The following DACH2 variants were observed in gnomAD, a reference collection of about 807,000 sequenced individuals.
DACH2 encodes dachshund homolog 2.
Under a neutral mutation model 35.8 loss-of-function variants are expected in DACH2, and 17 were observed. The ratio of observed to expected loss-of-function variants is 0.48; its 90% CI spans 0.33 to 0.71. The LOEUF is 0.71. Ranked by LOEUF, DACH2 falls within the 30% of genes least tolerant of loss-of-function variation. The pLI is 0.02. For synonymous variants in DACH2, 195 were observed against 177.3 expected (o/e 1.10, Z -0.79); for missense variants, 469 against 472.7 (o/e 0.99, Z 0.07).
In DACH2 at chrX:86,236,875, T is replaced by C. The variant is rs115146961; in HGVS notation, c.488+87767T>C. ...AATTTTACTTTAAAGAGTTTATTTC[T>C]TGAATAATAAATTAACCTTAGCTTA... On this transcript the variant is annotated intron_variant, in intron 1 of 11. Coordinates refer to ENST00000373125, the MANE Select transcript of DACH2 (RefSeq NM_053281.3). Among the ~76,000 whole-genome samples the C allele has an allele frequency of 7.6e-3, 852 of 112,452 alleles. 7 individuals carry two copies. The highest frequency in any genetic ancestry group is 0.025 in the African/African-American group (770 of 30,989).
At chrX:86,737,933 G>T (rs188400936) in intron 6 of DACH2, among the ~76,000 whole-genome samples, 142 of 110,679 alleles carry the variant, frequency 1.3e-3, no homozygotes, top group African/African-American at 4.5e-3. Flanking sequence ...CTCTAGAAGT[G>T]CCCAATGTTT....
At chrX:86,207,764 T>G (rs890959472) in intron 1 of DACH2, among the ~76,000 whole-genome samples, 1 of 110,952 alleles carries the variant, frequency 9.0e-6, no homozygotes, top group Non-Finnish European at 1.9e-5. Context: ...GTGTTGGCGC[T>G]AAAGTTTTGA....
chrX:86,391,529 C>G (rs1328824134), intron 2 of DACH2, among the ~76,000 whole-genome samples: 1 of 110,311 alleles, frequency 9.1e-6, no homozygotes, highest in African/African-American at 3.3e-5. Context: ...AAGTTAACCT[C>G]GTCTTTCTAC....
At position 86,829,506 on chromosome X, in the gene DACH2, A is replaced by G. The variant is rs192904903; in HGVS notation, c.1751-2600A>G. On this transcript the variant is annotated intron_variant, in intron 11 of 11. Coordinates refer to ENST00000373125, the MANE Select transcript of DACH2 (RefSeq NM_053281.3). ...GTATTTTTTTCTGGCCTTTTCCCAT[A>G]TATCTGCCTTGTTTATGATACATGA... The G allele has an allele frequency of 4.5e-5, 5 of 112,083 alleles. No homozygotes were observed. The Admixed American group carries it at 4.7e-4, about 11-fold the overall frequency. 9.2% of individuals were successfully genotyped at this position (112,083 alleles called of 1,213,427 possible).
intron 1 of DACH2, among the ~76,000 whole-genome samples, chrX:86,153,929 A>C (rs2030455455): frequency 9.0e-6 from 1 of 111,696 alleles, no homozygotes; most frequent in African/African-American, 3.2e-5. Flanking sequence ...GATGCAGTAT[A>C]TCTTTGGATT....
intron 1 of DACH2, among the ~76,000 whole-genome samples, chrX:86,251,664 T>C (rs1348846624): frequency 2.7e-5 from 3 of 111,977 alleles, no homozygotes; most frequent in African/African-American, 9.7e-5. Context: ...GCAAATGCCA[T>C]TAATTTGTTA....
At chrX:86,656,993 G>A (rs1159412238) in intron 4 of DACH2, among the ~76,000 whole-genome samples, 1 of 104,922 alleles carries the variant, frequency 9.5e-6, no homozygotes, top group African/African-American at 3.5e-5. Context: ...AGCCAGGCAC[G>A]GAAAGACAAA....
chrX:86,802,360 C>T (rs2042302024), intron 7 of DACH2, among the ~76,000 whole-genome samples: 1 of 110,360 alleles, frequency 9.1e-6, no homozygotes, highest in Admixed American at 9.7e-5. Context: ...GGATGAATAA[C>T]CTGCTCCCTT....
At chrX:86,294,373 C>T (rs1043602027) in intron 1 of DACH2, among the ~76,000 whole-genome samples, 1 of 109,855 alleles carries the variant, frequency 9.1e-6, no homozygotes, top group African/African-American at 3.3e-5. Context: ...GTTTGAATGT[C>T]CTCCCGTAGC....
chrX:86,783,871 G>A (rs746567335), intron 7 of DACH2, among the ~76,000 whole-genome samples: 22 of 111,231 alleles, frequency 2.0e-4, no homozygotes, highest in Non-Finnish European at 2.1e-4. Context: ...GAGGGAGTTG[G>A]TGATGGTTAG....
At chrX:86,190,776 C>T (rs1427627009) in intron 1 of DACH2, among the ~76,000 whole-genome samples, 1 of 110,864 alleles carries the variant, frequency 9.0e-6, no homozygotes. Context: ...GAAACCCCAT[C>T]TCTACTAAAA....
chrX:86,158,357 G>A (rs181355655), intron 1 of DACH2, among the ~76,000 whole-genome samples: 12 of 111,461 alleles, frequency 1.1e-4, no homozygotes, highest in African/African-American at 3.9e-4. Context: ...TGTCACCCAG[G>A]CAGGAGTGCA....
At chrX:86,580,925 A>T (rs35961853) in intron 3 of DACH2, among the ~76,000 whole-genome samples, 1 of 111,547 alleles carries the variant, frequency 9.0e-6, no homozygotes, top group Non-Finnish European at 1.9e-5. Context: ...AATCCCCAGG[A>T]CACATAGTTA....
chrX:86,632,493 T>TGCAC (rs2040212920), intron 3 of DACH2, among the ~76,000 whole-genome samples: 1 of 84,737 alleles, frequency 1.2e-5, no homozygotes, highest in African/African-American at 4.5e-5. Flanking sequence ...GTCATACACA[T>TGCAC]GCACACACAC....
intron 1 of DACH2, among the ~76,000 whole-genome samples, chrX:86,276,999 G>A (rs2033927666): frequency 9.0e-6 from 1 of 111,628 alleles, no homozygotes. Context: ...GCTTAGAATA[G>A]GTTGGGCTGT....
At chrX:86,539,480 A>G (rs12689872) in intron 3 of DACH2, among the ~76,000 whole-genome samples, 25,767 of 111,043 alleles carry the variant, frequency 0.23, 2,636 homozygotes, top group African/African-American at 0.39. Context: ...GACAGGTCCA[A>G]AAAGAACATC....
intron 3 of DACH2, among the ~76,000 whole-genome samples, chrX:86,629,786 G>C (rs1044798891): frequency 3.6e-5 from 4 of 110,388 alleles, no homozygotes; most frequent in Admixed American, 9.7e-5. Context: ...GGCTGAGGTG[G>C]GAGGATCCAT....
At chrX:86,585,003 A>T (rs1279375780) in intron 3 of DACH2, among the ~76,000 whole-genome samples, 1 of 111,570 alleles carries the variant, frequency 9.0e-6, no homozygotes, top group Non-Finnish European at 1.9e-5. Context: ...ATGGCTGTGC[A>T]GTATTCCATG....
intron 6 of DACH2, among the ~76,000 whole-genome samples, chrX:86,739,154 G>A (rs934509548): frequency 6.3e-5 from 7 of 111,881 alleles, no homozygotes; most frequent in African/African-American, 2.3e-4. Flanking sequence ...GATTACATGC[G>A]TGAGCCACCA....
Sources: allele counts gnomAD v4.1 joint callset (sites outside exome capture counted in the v4.1 genomes callset), GRCh38; gene constraint gnomAD v4.1.1; transcripts MANE v1.5; gene names NCBI Gene and HGNC (gene_info 2026-07-23, HGNC 2026-07-21).